Variants in AHNAK observed in about 807,000 individuals in gnomAD.
AHNAK encodes AHNAK nucleoprotein, also known as neuroblast differentiation-associated protein AHNAK.
AHNAK carries 23 observed loss-of-function variants against 37.8 expected under a neutral mutation model. That is an observed-to-expected ratio of 0.61 (90% CI 0.44 to 0.86). The LOEUF (loss-of-function observed/expected upper bound fraction) is 0.86. Among genes scored for constraint, AHNAK ranks in the 40% least tolerant of loss-of-function variants. AHNAK has a pLI of 0.00. For synonymous variants in AHNAK, 2,481 were observed against 2,636.3 expected, an observed-to-expected ratio of 0.94 and a Z score of 1.80; for missense variants, 7,411 against 7,319.4, an observed-to-expected ratio of 1.01 and a Z score of -0.46.
intron 5 of AHNAK, among the ~76,000 whole-genome samples, chr11:62,482,893 G>A (rs1324023431): frequency 6.6e-6 from 1 of 152,176 alleles, no homozygotes; most frequent in Admixed American, 6.5e-5. Context: ...GAATAAGCAG[G>A]AGAACTGGCC....
intron 1 of AHNAK, among the ~76,000 whole-genome samples, chr11:62,544,577 C>T (rs966840784): frequency 2.0e-5 from 3 of 152,204 alleles, no homozygotes; most frequent in Non-Finnish European, 2.9e-5. Context: ...CCCACCCTCC[C>T]TCACCCCAAA....
chr11:62,519,617 C>A lies in AHNAK; in HGVS notation c.14800G>T (p.Gly4934Cys), dbSNP rs199870702. The A allele has an allele frequency of 6.0e-5, 97 of 1,613,550 alleles. No individual in the cohort carries two copies. The highest frequency in any genetic ancestry group is 8.0e-5 in the Non-Finnish European group (94 of 1,179,894). Residue 4934 changes from glycine to cysteine, a missense_variant, in exon 5 of 5, where the codon GGT (glycine) becomes TGT (cysteine). Physicochemically the swap from Gly to Cys is radical, Grantham distance 159. Coordinates refer to ENST00000378024, the MANE Select transcript of AHNAK (RefSeq NM_001620.3). ...ACTTCACCACCTTCTAACTTCGGAC[C>A]TGAAAATCCAATTTTTGGTGCCTTG... ...HLKAPKIGFS[G>C]PKLEGGEVDL...
chr11:62,474,011 AT>A (rs2134854377), intron 5 of AHNAK, among the ~76,000 whole-genome samples: 1 of 152,184 alleles, frequency 6.6e-6, no homozygotes, highest in East Asian at 1.9e-4. Context: ...AAAAAAAAAA[AT>A]AGGTAAGTGA....
chr11:62,505,195 G>T (rs1939787508), intron 4 of AHNAK, among the ~76,000 whole-genome samples: 1 of 152,090 alleles, frequency 6.6e-6, no homozygotes, highest in Non-Finnish European at 1.5e-5. Context: ...GCCCCCCAGG[G>T]TCTTCTTTCC....
At chr11:62,506,285 C>T (rs1186870672) in intron 4 of AHNAK, among the ~76,000 whole-genome samples, 11 of 151,740 alleles carry the variant, frequency 7.2e-5, no homozygotes, top group Admixed American at 6.6e-4. Flanking sequence ...TGAGGACGCC[C>T]GAGTTCCTTC....
Position 62,523,854 on chromosome 11 carries a change from A to T in AHNAK, c.10563T>A (p.Gly3521=). The T allele has an allele frequency of 6.2e-7, 1 of 1,614,064 alleles. No homozygotes were observed. Among genetic ancestry groups the T allele is most frequent in the Non-Finnish European group, 8.5e-7 (1 of 1,180,006 alleles). Residue 3521 remains glycine (G), a synonymous_variant, in exon 5 of 5, where the codon GGT becomes GGA. Transcript: ENST00000378024. Reference sequence around the variant, plus strand: ...TGGGACCTTTCAAGCCTCCCTCCGGACCTTCCACATTGAGATCTGGGCCCT... The same window carrying T: ...TGGGACCTTTCAAGCCTCCCTCCGGTCCTTCCACATTGAGATCTGGGCCCT... ...NIEGPDLNVE[G]PEGGLKGPKF...
At position 62,529,588 on chromosome 11, in the gene AHNAK, C is replaced by T. The variant is rs981056986; in HGVS notation, c.4829G>A (p.Gly1610Asp). 5.6e-6 allele frequency: 9 copies of T among 1,613,984 alleles called. No homozygotes were observed. The highest frequency in any genetic ancestry group is 1.7e-5 in the Admixed American group (1 of 59,984). ...SLPKVEGDLK[G>D]PEIDVKAPKM... ...AGGGGCTTTCACATCAATTTCAGGA[C>T]CCTTCAAGTCTCCTTCCACTTTGGG... Residue 1610 changes from glycine to aspartate, a missense_variant, in exon 5 of 5, where the codon GGT becomes GAT. Coordinates refer to ENST00000378024, the MANE Select transcript of AHNAK (RefSeq NM_001620.3).
Position 62,525,350 on chromosome 11 carries a change from G to A in AHNAK, c.9067C>T (p.Pro3023Ser). The change falls in exon 5 of 5, where the codon CCC becomes TCC. Residue 3023 changes from proline to serine, a missense_variant. Physicochemically the swap from Pro to Ser is moderately conservative, Grantham distance 74 (BLOSUM62 -1). Coordinates refer to ENST00000378024, the MANE Select transcript of AHNAK (RefSeq NM_001620.3). Reference sequence around the variant, plus strand: ...CTGAATTTGGGCATTTTCACTTTGGGCATTTTTAGGTGCCAGTCTGGGCCT... The same window carrying A: ...CTGAATTTGGGCATTTTCACTTTGGACATTTTTAGGTGCCAGTCTGGGCCT... ...VQGPDWHLKM[P>S]KVKMPKFSMP... The A allele has an allele frequency of 6.2e-7, 1 of 1,612,864 alleles. No homozygotes were observed. The highest frequency in any genetic ancestry group is 8.5e-7 in the Non-Finnish European group (1 of 1,179,786).
intron 1 of AHNAK, among the ~76,000 whole-genome samples, chr11:62,544,320 C>T (rs564462672): frequency 3.3e-5 from 5 of 152,164 alleles, no homozygotes; most frequent in African/African-American, 7.2e-5. Context: ...TCCTCAGCTC[C>T]GAGGGGTTGG....
In AHNAK at chr11:62,532,188, T is replaced by C. The variant is rs372452949; in HGVS notation, c.2229A>G (p.Pro743=). ...IDAPDVDVHG[P]DWHLKMPKMK... ...TCTTGGGCATCTTCAAGTGCCAGTCTGGGCCATGAACATCCACATCTGGGG... is the reference window on the plus strand; with the variant it reads ...TCTTGGGCATCTTCAAGTGCCAGTCCGGGCCATGAACATCCACATCTGGGG... Residue 743 remains proline, a synonymous_variant, in exon 5 of 5, where the codon CCA becomes CCG. Transcript: ENST00000378024. 1.9e-5 allele frequency: 30 copies of C among 1,614,190 alleles called. No homozygotes were observed. The African/African-American group carries it at 3.9e-4, about 21-fold the overall frequency.
At chr11:62,490,609 AATGGGGCTCAG>A (rs1168432731) in intron 5 of AHNAK, among the ~76,000 whole-genome samples, 1 of 152,030 alleles carries the variant, frequency 6.6e-6, no homozygotes, top group Non-Finnish European at 1.5e-5. Flanking sequence ...GAGAGGAGAA[AATGGGGCTCAG>A]ATGGAGGAAG....
intron 5 of AHNAK, among the ~76,000 whole-genome samples, chr11:62,478,846 T>C (rs1189018001): frequency 1.3e-5 from 2 of 151,922 alleles, no homozygotes; most frequent in East Asian, 3.9e-4. Flanking sequence ...CTCCTAGGCC[T>C]TTGATGACAC....
chr11:62,491,854 C>T (rs1939510018), intron 4 of AHNAK: 1 of 1,589,436 alleles, frequency 6.3e-7, no homozygotes, highest in Non-Finnish European at 8.6e-7. Context: ...AAGATTATCA[C>T]CAGGTCACTC....
At chr11:62,441,024 A>T (rs1242927924) in intron 5 of AHNAK, among the ~76,000 whole-genome samples, 1 of 151,604 alleles carries the variant, frequency 6.6e-6, no homozygotes, top group African/African-American at 2.4e-5. Context: ...TTTTGAGACA[A>T]GAGTTTCACT....
intron 5 of AHNAK, among the ~76,000 whole-genome samples, chr11:62,478,571 C>G (rs556763262): frequency 6.6e-6 from 1 of 151,796 alleles, no homozygotes; most frequent in African/African-American, 2.4e-5. Context: ...ACGGCAAGAC[C>G]TCATCTCTAC....
At position 62,530,935 on chromosome 11, in the gene AHNAK, T is replaced by G. The variant is rs756683770; in HGVS notation, c.3482A>C (p.Lys1161Thr). 6.2e-7 allele frequency: 1 copy of G among 1,613,978 alleles called. No individual in the cohort carries two copies. The highest frequency in any genetic ancestry group is 1.3e-5 in the African/African-American group (1 of 74,960). ...CACATCTGGGGCTTCGATGTCCACC[T>G]TGGGTCCTGAGACAACAACGTCAGC... ...PKADVVVSGP[K>T]VDIEAPDVSL... The change falls in exon 5 of 5, where the codon AAG becomes ACG. Residue 1161 changes from lysine to threonine, a missense_variant. Transcript: ENST00000378024.
chr11:62,487,080 G>A (rs1358895145), intron 5 of AHNAK, among the ~76,000 whole-genome samples: 1 of 152,220 alleles, frequency 6.6e-6, no homozygotes, highest in Non-Finnish European at 1.5e-5. Context: ...CAACAGAACA[G>A]AAACATTGTG....
rs376791756 is a variant in AHNAK, at chr11:62,534,088, C to T, written c.343-14G>A. 4.0e-5 allele frequency: 61 copies of T among 1,524,398 alleles called. No individual in the cohort carries two copies. Among genetic ancestry groups the T allele is most frequent in the East Asian group, 2.3e-4 (10 of 44,108 alleles). 94.4% of individuals were successfully genotyped at this position (1,524,398 alleles called of 1,614,324 possible). ...ATCATCCCCGCTCTGCAGAAAGACACGCCGGGCAGAGGTTGCAGCAGAGTC... is the reference window on the plus strand; with the variant it reads ...ATCATCCCCGCTCTGCAGAAAGACATGCCGGGCAGAGGTTGCAGCAGAGTC... On this transcript the variant is annotated splice_polypyrimidine_tract_variant and intron_variant, in intron 4 of 4. Transcript: ENST00000378024.
At chr11:62,474,359 A>G (rs1351977522) in intron 5 of AHNAK, among the ~76,000 whole-genome samples, 1 of 151,994 alleles carries the variant, frequency 6.6e-6, no homozygotes, top group Non-Finnish European at 1.5e-5. Context: ...TAATTTTTAT[A>G]TATTTAGTAG....
Sources: allele counts gnomAD v4.1 joint callset (sites outside exome capture counted in the v4.1 genomes callset), GRCh38; gene constraint gnomAD v4.1.1; transcripts MANE v1.5; gene names NCBI Gene and HGNC (gene_info 2026-07-23, HGNC 2026-07-21).